Variants in ADAMTS15 observed in about 807,000 individuals in gnomAD.
ADAMTS15 encodes the protein ADAM metallopeptidase with thrombospondin type 1 motif 15.
ADAMTS15 carries 35 observed loss-of-function variants against 79.1 expected under a neutral mutation model. The observed-to-expected ratio is 0.44, with a 90% CI of 0.34 to 0.59. The LOEUF is 0.59. ADAMTS15 is among the 20% of genes least tolerant of loss of function. The probability of loss-of-function intolerance (pLI) is 0.02; values close to 1 mark genes in which losing one functional copy is unlikely to be tolerated. For missense variants in ADAMTS15, 1,324 were observed against 1,318.7 expected, an observed-to-expected ratio of 1.00 and a Z score of -0.06; for synonymous variants, 616 against 567.3, an observed-to-expected ratio of 1.09 and a Z score of -1.22.
intron 1 of ADAMTS15, among the ~76,000 whole-genome samples, chr11:130,453,135 G>A (rs1393375515): frequency 6.6e-6 from 1 of 152,214 alleles, no homozygotes; most frequent in East Asian, 1.9e-4. Context: ...TGAAGCTAAG[G>A]AAGTGCTCCA....
intron 5 of ADAMTS15, among the ~76,000 whole-genome samples, chr11:130,470,160 A>ATATATATATATG (rs1938404904): frequency 9.1e-4 from 52 of 57,278 alleles, no homozygotes; most frequent in Admixed American, 2.1e-3. Flanking sequence ...ATGTGTATAT[A>ATATATATATATG]TATATATATA....
chr11:130,453,009 A>G (rs929799549), intron 1 of ADAMTS15, among the ~76,000 whole-genome samples: 2 of 150,572 alleles, frequency 1.3e-5, no homozygotes, highest in African/African-American at 4.9e-5. Flanking sequence ...TTGCGGCCTC[A>G]GGTCCCCAGG....
In ADAMTS15 at chr11:130,448,848, C is replaced by T. The variant is rs935439807; in HGVS notation, c.-126C>T. 5 of 706,058 alleles carry T rather than the reference C, an allele frequency of 7.1e-6. No individual in the cohort carries two copies. The African/African-American group carries it at 7.4e-5, about 10-fold the overall frequency. 43.7% of individuals were successfully genotyped at this position (706,058 alleles called of 1,614,324 possible). A position where few individuals can be genotyped will look rare whatever the true frequency, so the allele number is the denominator to read the frequency against. On this transcript the variant is annotated 5_prime_UTR_variant, in exon 1 of 8. Coordinates refer to ENST00000299164, the MANE Select transcript of ADAMTS15 (RefSeq NM_139055.4). ...AGTCTCCCTCCCTTGGCTCTCCTTT[C>T]TGGGAACTGCCGGCTGTCCCGTAGC... is the stretch of plus-strand genomic sequence containing the variant.
intron 5 of ADAMTS15, among the ~76,000 whole-genome samples, chr11:130,470,614 G>T (rs929500680): frequency 1.3e-5 from 2 of 152,116 alleles, no homozygotes; most frequent in Non-Finnish European, 2.9e-5. Flanking sequence ...TGGTGTTGTC[G>T]TTAATCTATA....
chr11:130,463,424 C>T (rs575541955), intron 4 of ADAMTS15, among the ~76,000 whole-genome samples: 18 of 152,250 alleles, frequency 1.2e-4, no homozygotes, highest in Non-Finnish European at 1.6e-4. Context: ...TATATAATAA[C>T]TTTATCTTGT....
At chr11:130,460,542 G>C (rs1938178267) in intron 1 of ADAMTS15, among the ~76,000 whole-genome samples, 2 of 152,180 alleles carry the variant, frequency 1.3e-5, no homozygotes, top group South Asian at 4.1e-4. Context: ...CTCCCAAAGT[G>C]CTGGAATTAC....
chr11:130,457,791 C>G (rs545638280), intron 1 of ADAMTS15, among the ~76,000 whole-genome samples: 3 of 152,288 alleles, frequency 2.0e-5, no homozygotes, highest in East Asian at 3.9e-4. Flanking sequence ...TGTATAAGCA[C>G]TCGTAGGCGT....
At chr11:130,451,062 G>A (rs1339983309) in intron 1 of ADAMTS15, among the ~76,000 whole-genome samples, 2 of 152,240 alleles carry the variant, frequency 1.3e-5, no homozygotes, top group South Asian at 2.1e-4. Context: ...GCACTGAGGA[G>A]TATTTGGATT....
Position 130,473,115 on chromosome 11 carries a change from A to G in ADAMTS15, c.2147A>G (p.Tyr716Cys). ...AGCATCGACATCCGCCAGCGCGGTTACAAAGGGCTGATCGGGGATGACAAC... is the reference window on the plus strand; with the variant it reads ...AGCATCGACATCCGCCAGCGCGGTTGCAAAGGGCTGATCGGGGATGACAAC... ...ASSIDIRQRG[Y>C]KGLIGDDNYL... is the part of the protein sequence containing the mutation. Residue 716 changes from tyrosine (Y) to cysteine (C), a missense_variant, in exon 8 of 8, where the codon TAC (tyrosine) becomes TGC (cysteine). By Grantham distance (194) the Tyr-to-Cys change is radical. Transcript: ENST00000299164. 6.2e-7 allele frequency: 1 copy of G among 1,614,080 alleles called. No individual in the cohort carries two copies. The highest frequency in any genetic ancestry group is 8.5e-7 in the Non-Finnish European group (1 of 1,180,044).
rs558950716 is a variant in ADAMTS15 at position 130,472,680 on chromosome 11, CCCTCCT to C, written c.2079-344_2079-339del. Among the ~76,000 whole-genome samples, 14 of 144,450 alleles carry C rather than the reference CCCTCCT, an allele frequency of 9.7e-5. No individual in the cohort carries two copies. The highest frequency in any genetic ancestry group is 3.6e-3 in the Middle Eastern group (1 of 280). 94.8% of individuals were successfully genotyped at this position (144,450 alleles called of 152,430 possible). ...GGTGGACTTACTCCTCCCGCCCCAC[CCCTCCT>C]CCTCCTCCTCCTCCTCCTCCTCGTC... On this transcript the variant is annotated intron_variant, in intron 7 of 7. Coordinates refer to ENST00000299164, the MANE Select transcript of ADAMTS15 (RefSeq NM_139055.4). The surrounding 1 kb of genome is among the most constrained non-coding windows in gnomAD (Gnocchi z 4.7).
intron 4 of ADAMTS15, among the ~76,000 whole-genome samples, chr11:130,463,702 C>T (rs566307796): frequency 2.0e-5 from 3 of 152,272 alleles, no homozygotes; most frequent in African/African-American, 4.8e-5. Context: ...TCTAATTAAA[C>T]CTTCAACCGT....
In ADAMTS15 at chr11:130,462,226, C is replaced by A. The variant is rs1938215004; in HGVS notation, c.1230C>A (p.Ile410=). ...ANPWSACSAA[I]ITDFLDSGHG... The stretch of plus-strand genomic sequence containing the variant: ...CCTGGTCAGCCTGCAGTGCTGCCAT[C>A]ATCACCGACTTCCTGGACAGCGGGC... The change falls in exon 3 of 8, where the codon ATC becomes ATA. Residue 410 remains isoleucine (I), a synonymous_variant. Coordinates refer to ENST00000299164, the MANE Select transcript of ADAMTS15 (RefSeq NM_139055.4). This position sits in a 1 kb window ranked among gnomAD's most constrained non-coding sequence, Gnocchi z 4.3. The A allele has an allele frequency of 6.2e-7, 1 of 1,613,952 alleles. No homozygotes were observed. The highest frequency in any genetic ancestry group is 1.3e-5 in the African/African-American group (1 of 74,938).
chr11:130,462,654 G>C lies in ADAMTS15; in HGVS notation c.1416G>C (p.Gly472=). 1 of 1,613,860 alleles carries C rather than the reference G, an allele frequency of 6.2e-7. No individual in the cohort carries two copies. Among genetic ancestry groups the C allele is most frequent in the African/African-American group, 1.3e-5 (1 of 75,062 alleles). ...MQYCTKLWCT[G]KAKGQMVCQT... ...ACTGCACCAAGCTGTGGTGCACCGG[G>C]AAGGCCAAGGGACAGATGGTGTGCC... is the stretch of plus-strand genomic sequence containing the variant. Residue 472 remains glycine, a synonymous_variant, in exon 4 of 8, where the codon GGG becomes GGC. Transcript: ENST00000299164. This position sits in a 1 kb window ranked among gnomAD's most constrained non-coding sequence, Gnocchi z 4.3.
intron 2 of ADAMTS15, 125 bp from the exon 3 acceptor site, chr11:130,461,962 C>A: frequency 8.9e-7 from 1 of 1,123,440 alleles, no homozygotes; most frequent in Non-Finnish European, 1.3e-6. Flanking sequence ...AGCAGTCTGT[C>A]GATAGTTGGC....
At position 130,474,041 on chromosome 11, in the gene ADAMTS15, G is replaced by A. The variant is rs1189854582; in HGVS notation, c.*220G>A. ...TCCCGCACAGTCTACCTCAGGCCCC[G>A]CTCCTCGGGCCGGTTGCGGGGAGAG... On this transcript the variant is annotated 3_prime_UTR_variant, in exon 8 of 8. Transcript: ENST00000299164. The A allele has an allele frequency of 2.4e-5, 14 of 595,706 alleles. No homozygotes were observed. The highest frequency in any genetic ancestry group is 3.3e-5 in the Non-Finnish European group (12 of 365,102). The allele number at this position is 595,706 out of a possible 1,614,324, so 36.9% of individuals were successfully genotyped here.
chr11:130,471,427 G>A (rs1201881432), intron 7 of ADAMTS15, 44 bp downstream of exon 7: 2 of 1,579,740 alleles, frequency 1.3e-6, no homozygotes, highest in Non-Finnish European at 1.7e-6. Context: ...GCAAAGGGAG[G>A]GAGGTGGAGT....
intron 5 of ADAMTS15, among the ~76,000 whole-genome samples, chr11:130,470,353 A>G (rs899346167): frequency 3.8e-4 from 57 of 150,888 alleles, no homozygotes; most frequent in Non-Finnish European, 7.5e-4. Context: ...AGCAGCTGGG[A>G]TTATAGGTGC....
intron 1 of ADAMTS15, among the ~76,000 whole-genome samples, chr11:130,458,716 CTTCTTGA>C (rs1380313947): frequency 1.3e-5 from 2 of 152,178 alleles, no homozygotes; most frequent in Non-Finnish European, 2.9e-5. Context: ...GGAATCTAGA[CTTCTTGA>C]TTCTTATTTC....
rs1938222008 is a variant in ADAMTS15, at chr11:130,462,502, T to A, written c.1264T>A (p.Cys422Ser). Residue 422 changes from cysteine to serine, a missense_variant, in exon 4 of 8, where the codon TGC (cysteine) becomes AGC (serine). Transcript: ENST00000299164. This position sits in a 1 kb window ranked among gnomAD's most constrained non-coding sequence, Gnocchi z 4.3. ...TDFLDSGHGD[C>S]LLDQPSKPIS... is the part of the protein sequence containing the mutation. ...ACGCCCTCGGCTCTCTGCAGGTGAC[T>A]GCCTCCTGGACCAACCCAGCAAGCC... 6.3e-7 allele frequency: 1 copy of A among 1,588,370 alleles called. No homozygotes were observed.
Sources: gnomAD v4.1 joint callset for allele counts (sites outside exome capture counted in the v4.1 genomes callset) on GRCh38, gnomAD v4.1.1 for gene constraint, Gnocchi (gnomAD v3.1) non-coding constraint, MANE v1.5 for transcripts, NCBI Gene and HGNC (gene_info 2026-07-23, HGNC 2026-07-21) for gene names.